Variants in LRRTM4 observed in about 807,000 individuals in gnomAD.
LRRTM4 encodes the protein leucine-rich repeat transmembrane neuronal protein 4.
LRRTM4 carries 25 observed loss-of-function variants against 47.6 expected under a neutral mutation model. The ratio of observed to expected loss-of-function variants is 0.53; its 90% CI spans 0.38 to 0.73. LRRTM4 has a LOEUF of 0.73. Ranked by LOEUF, LRRTM4 falls within the 30% of genes least tolerant of loss-of-function variation. LRRTM4 has a pLI of 0.00. For missense variants in LRRTM4, 638 were observed against 713.4 expected, an observed-to-expected ratio of 0.89 and a Z score of 1.20; for synonymous variants, 311 against 269.5, an observed-to-expected ratio of 1.15 and a Z score of -1.51.
chr2:77,065,141 T>C (rs1440105745), intron 3 of LRRTM4, among the ~76,000 whole-genome samples: 2 of 152,210 alleles, frequency 1.3e-5, no homozygotes, highest in Non-Finnish European at 2.9e-5. Context: ...TTTCATTTAA[T>C]GCTCATCAAA....
chr2:77,491,891 C>G (rs1678177752), intron 3 of LRRTM4, among the ~76,000 whole-genome samples: 1 of 151,752 alleles, frequency 6.6e-6, no homozygotes, highest in African/African-American at 2.4e-5. Flanking sequence ...AAGACATAGA[C>G]TTTCTGAAAT....
At position 77,012,295 on chromosome 2, in the gene LRRTM4, AT is replaced by A. The variant is rs370477543; in HGVS notation, c.1552-263380del. 4.0e-3 allele frequency among the ~76,000 whole-genome samples: 597 copies of A among 151,090 alleles called. 24 individuals are homozygous for A. The South Asian group carries it at 0.073, about 18-fold the overall frequency. On this transcript the variant is annotated intron_variant, in intron 3 of 3. Transcript: ENST00000409884. Reference sequence around the variant, plus strand: ...AACATTATTATTTCCAAGAATAATCATTTTTTTTTGGAAATCAGTATTATAA... The same window carrying A: ...AACATTATTATTTCCAAGAATAATCATTTTTTTTGGAAATCAGTATTATAA...
chr2:76,980,676 G>T (rs2103965238), intron 3 of LRRTM4, among the ~76,000 whole-genome samples: 1 of 152,054 alleles, frequency 6.6e-6, no homozygotes, highest in South Asian at 2.1e-4. Context: ...GGGTGGGGTG[G>T]AATTTTAAAT....
chr2:77,520,825 A>T (rs1308696965), intron 2 of LRRTM4, among the ~76,000 whole-genome samples: 1 of 151,882 alleles, frequency 6.6e-6, no homozygotes. Flanking sequence ...ATCTATTGGC[A>T]CTTACACTGC....
intron 3 of LRRTM4, among the ~76,000 whole-genome samples, chr2:77,457,110 TCTCAGTGATTTTTAAAAATA>T (rs1294383660): frequency 2.8e-5 from 4 of 144,002 alleles, no homozygotes; most frequent in Non-Finnish European, 6.1e-5. Flanking sequence ...ATTTTTTTTT[TCTCAGTGATTTTTAAAAATA>T]CTAGTTATAG....
At chr2:76,776,222 G>A (rs945603122) in intron 3 of LRRTM4, among the ~76,000 whole-genome samples, 25 of 152,146 alleles carry the variant, frequency 1.6e-4, no homozygotes, top group Non-Finnish European at 3.7e-4. Context: ...AAACATACAT[G>A]TGCATGTGTC....
At chr2:77,171,567 G>C (rs2103835035) in intron 3 of LRRTM4, among the ~76,000 whole-genome samples, 2 of 151,988 alleles carry the variant, frequency 1.3e-5, no homozygotes, top group East Asian at 3.9e-4. Context: ...GTGAGTCACG[G>C]CGACTGGCCT....
intron 3 of LRRTM4, among the ~76,000 whole-genome samples, chr2:77,349,151 T>C (rs1170501411): frequency 2.0e-5 from 3 of 151,902 alleles, no homozygotes; most frequent in Non-Finnish European, 2.9e-5. Context: ...ATAATACCTA[T>C]TTTGGTGATG....
chr2:76,967,493 C>T (rs1376540645), intron 3 of LRRTM4, among the ~76,000 whole-genome samples: 1 of 151,546 alleles, frequency 6.6e-6, no homozygotes, highest in Non-Finnish European at 1.5e-5. Flanking sequence ...CAAGTTTAAT[C>T]TCCTTGGTAT....
At chr2:77,227,274 C>T (rs1674840729) in intron 3 of LRRTM4, among the ~76,000 whole-genome samples, 1 of 152,024 alleles carries the variant, frequency 6.6e-6, no homozygotes, top group Admixed American at 6.6e-5. Flanking sequence ...AGCTCACACT[C>T]AATGTTTATT....
Position 76,829,202 on chromosome 2 carries a change from C to G in LRRTM4, c.1552-80286G>C, listed in dbSNP as rs537555090. Reference sequence around the variant, plus strand: ...GGCCACACAGACTTAAGACATAACCCAAGAGCAACTGTTGGCTGGGTAATG... The same window carrying G: ...GGCCACACAGACTTAAGACATAACCGAAGAGCAACTGTTGGCTGGGTAATG... On this transcript the variant is annotated intron_variant, in intron 3 of 3. Transcript: ENST00000409884. 6.6e-5 allele frequency among the ~76,000 whole-genome samples: 10 copies of G among 152,052 alleles called. No homozygotes were observed. In the East Asian group the frequency reaches 1.2e-3, roughly 18 times the overall value.
At chr2:77,109,092 A>G (rs1041322753) in intron 3 of LRRTM4, among the ~76,000 whole-genome samples, 3 of 152,236 alleles carry the variant, frequency 2.0e-5, no homozygotes, top group African/African-American at 4.8e-5. Flanking sequence ...AAGGTAACAG[A>G]AAGTGAAACT....
intron 3 of LRRTM4, among the ~76,000 whole-genome samples, chr2:76,897,181 C>T (rs547200220): frequency 3.2e-4 from 48 of 152,206 alleles, no homozygotes; most frequent in African/African-American, 1.0e-3. Flanking sequence ...CTGAATTTTG[C>T]TTGTTTGCCC....
chr2:77,252,128 A>G (rs867648110), intron 3 of LRRTM4, among the ~76,000 whole-genome samples: 27 of 152,190 alleles, frequency 1.8e-4, no homozygotes, highest in African/African-American at 5.3e-4. Context: ...AGTTGGCACC[A>G]GAAATGTGTG....
intron 3 of LRRTM4, among the ~76,000 whole-genome samples, chr2:77,004,891 C>A (rs929428917): frequency 6.6e-6 from 1 of 152,156 alleles, no homozygotes; most frequent in Non-Finnish European, 1.5e-5. Context: ...GATTTGACTG[C>A]CCCGCTGGAT....
At chr2:76,963,297 C>G (rs750639250) in intron 3 of LRRTM4, among the ~76,000 whole-genome samples, 2 of 150,776 alleles carry the variant, frequency 1.3e-5, no homozygotes, top group Non-Finnish European at 3.0e-5. Context: ...ATACTGTATT[C>G]TTAAGTAAAT....
At chr2:77,081,046 C>T (rs1406332979) in intron 3 of LRRTM4, among the ~76,000 whole-genome samples, 1 of 152,102 alleles carries the variant, frequency 6.6e-6, no homozygotes, top group Non-Finnish European at 1.5e-5. Flanking sequence ...TTCTCAATGC[C>T]TCCCATGCTG....
At chr2:76,949,246 G>A (rs982605604) in intron 3 of LRRTM4, among the ~76,000 whole-genome samples, 3 of 151,874 alleles carry the variant, frequency 2.0e-5, no homozygotes, top group African/African-American at 7.2e-5. Flanking sequence ...ATTAGAAAAT[G>A]AGTTCAAATA....
intron 3 of LRRTM4, among the ~76,000 whole-genome samples, chr2:76,992,412 T>C (rs1327881476): frequency 6.6e-6 from 1 of 151,672 alleles, no homozygotes; most frequent in Non-Finnish European, 1.5e-5. Context: ...TCTAATAAAA[T>C]TGATAAACCA....
Sources: gnomAD v4.1 joint callset for allele counts (sites outside exome capture counted in the v4.1 genomes callset) on GRCh38, gnomAD v4.1.1 for gene constraint, MANE v1.5 for transcripts, NCBI Gene and HGNC (gene_info 2026-07-23, HGNC 2026-07-21) for gene names.